The following PGBD1 variants were observed in gnomAD, a reference collection of about 807,000 sequenced individuals.
The protein encoded by PGBD1 is piggyBac transposable element derived 1.
In PGBD1, 25 loss-of-function variants were observed where a neutral mutation model predicts 34.7. The observed-to-expected ratio is 0.72, with a 90% confidence interval of 0.52 to 1.00. The LOEUF is 1.00. Among genes scored for constraint, PGBD1 ranks in the 50% least tolerant of loss-of-function variants. PGBD1 has a pLI of 0.00. For synonymous variants in PGBD1, 292 were observed against 335.7 expected (o/e 0.87, Z 1.42); for missense variants, 830 against 959.4 (o/e 0.87, Z 1.78).
chr6:28,288,612 T>C (rs1762358256), intron 4 of PGBD1, among the ~76,000 whole-genome samples: 1 of 151,794 alleles, frequency 6.6e-6, no homozygotes, highest in Non-Finnish European at 1.5e-5. Context: ...TCCCAGAACT[T>C]TGGGAGGCCA....
At chr6:28,288,670 A>G (rs1476237450) in intron 4 of PGBD1, among the ~76,000 whole-genome samples, 1 of 152,082 alleles carries the variant, frequency 6.6e-6, no homozygotes, top group African/African-American at 2.4e-5. Context: ...AGCCTGAGCA[A>G]CACAGCAAGA....
chr6:28,285,682 T>G lies in PGBD1; in HGVS notation c.528T>G (p.Pro176=), dbSNP rs778685640. 16 of 1,613,888 alleles carry G rather than the reference T, an allele frequency of 9.9e-6. No individual in the cohort carries two copies. The Middle Eastern group carries it at 8.5e-4, about 85-fold the overall frequency. The change falls in exon 3 of 7, where the codon CCT becomes CCG. Residue 176 remains proline, a synonymous_variant. Coordinates refer to ENST00000682144, the MANE Select transcript of PGBD1 (RefSeq NM_032507.4). ...TTLKCEPPQR[P]QGNPQEVSGP... Reference sequence around the variant, plus strand: ...TGAAGTGTGAACCTCCACAGCGTCCTCAAGGGAACCCCCAAGAAGTGAGTG... The same window carrying G: ...TGAAGTGTGAACCTCCACAGCGTCCGCAAGGGAACCCCCAAGAAGTGAGTG...
intron 6 of PGBD1, among the ~76,000 whole-genome samples, chr6:28,298,641 G>C (rs1162383677): frequency 6.6e-6 from 1 of 152,086 alleles, no homozygotes; most frequent in Non-Finnish European, 1.5e-5. Context: ...ACCTGAACAA[G>C]GTATAGGTCA....
At chr6:28,298,645 T>C (rs73742514) in intron 6 of PGBD1, among the ~76,000 whole-genome samples, 2,766 of 152,174 alleles carry the variant, frequency 0.018, 35 homozygotes, top group African/African-American at 0.047. Context: ...GAACAAGGTA[T>C]AGGTCAAAAG....
rs777829279 is a variant in PGBD1 at position 28,287,177 on chromosome 6, G to C, written c.642+9G>C. The C allele has an allele frequency of 2.5e-6, 4 of 1,598,696 alleles. No individual in the cohort carries two copies. Among genetic ancestry groups the C allele is most frequent in the Non-Finnish European group, 3.4e-6 (4 of 1,166,116 alleles). On this transcript the variant is annotated intron_variant, in intron 4 of 6. Transcript: ENST00000682144. ...ACCCAGTCAGGTCCCAGGTAAGTAGGATGCCCAAGCTTGTAGGAATATCAG... is the reference window on the plus strand; with the variant it reads ...ACCCAGTCAGGTCCCAGGTAAGTAGCATGCCCAAGCTTGTAGGAATATCAG...
intron 3 of PGBD1, among the ~76,000 whole-genome samples, chr6:28,286,309 G>A (rs898259644): frequency 6.6e-6 from 1 of 152,164 alleles, no homozygotes; most frequent in Admixed American, 6.5e-5. Flanking sequence ...TGATAATTTT[G>A]TACTCTGCCA....
At chr6:28,287,915 A>G (rs944136014) in intron 4 of PGBD1, among the ~76,000 whole-genome samples, 3 of 152,222 alleles carry the variant, frequency 2.0e-5, no homozygotes, top group South Asian at 2.1e-4. Context: ...CCTTAAATGT[A>G]ATTTAATGGT....
At position 28,297,983 on chromosome 6, in the gene PGBD1, G is replaced by A; in HGVS notation, c.861G>A (p.Lys287=). The A allele has an allele frequency of 6.2e-7, 1 of 1,606,410 alleles. No individual in the cohort carries two copies. The highest frequency in any genetic ancestry group is 1.1e-5 in the South Asian group (1 of 90,668). Residue 287 remains lysine (K), a synonymous_variant, in exon 6 of 7, where the codon AAG becomes AAA. Coordinates refer to ENST00000682144, the MANE Select transcript of PGBD1 (RefSeq NM_032507.4). ...AACAAAGTGGAGAAGCCTCAGGAAA[G>A]CCCAACAGGTGAGTGTCCATGGTCC... is the stretch of plus-strand genomic sequence containing the variant. ...EMEQSGEASG[K]PNRECAPQIP... is the part of the protein sequence containing the mutation.
At chr6:28,287,542 A>G (rs1027227637) in intron 4 of PGBD1, among the ~76,000 whole-genome samples, 17 of 152,102 alleles carry the variant, frequency 1.1e-4, no homozygotes, top group Non-Finnish European at 1.5e-5. Context: ...CCTTTCTCAC[A>G]CTACTTTATA....
At chr6:28,284,856 C>T (rs1023167517) in intron 2 of PGBD1, among the ~76,000 whole-genome samples, 1 of 152,264 alleles carries the variant, frequency 6.6e-6, no homozygotes, top group Non-Finnish European at 1.5e-5. Context: ...AGGATATTCT[C>T]TTGTATCACA....
chr6:28,301,613 C>G lies in PGBD1; in HGVS notation c.1759C>G (p.Gln587Glu), dbSNP rs1561893384. The change falls in exon 7 of 7, where the codon CAA (glutamine) becomes GAA (glutamate). Residue 587 changes from glutamine to glutamate, a missense_variant. Coordinates refer to ENST00000682144, the MANE Select transcript of PGBD1 (RefSeq NM_032507.4). ...QGYLVWFEPYQEESTMKVDED... is the reference protein window; with the variant it reads ...QGYLVWFEPYEEESTMKVDED... The stretch of plus-strand genomic sequence containing the variant: ...TTATCTGGTTTGGTTTGAACCCTAT[C>G]AAGAAGAATCAACTATGAAGGTAGA... The G allele has an allele frequency of 6.2e-7, 1 of 1,614,096 alleles. No individual in the cohort carries two copies. Among genetic ancestry groups the G allele is most frequent in the South Asian group, 1.1e-5 (1 of 91,078 alleles).
At chr6:28,293,814 T>G (rs896315821) in intron 4 of PGBD1, among the ~76,000 whole-genome samples, 2 of 152,222 alleles carry the variant, frequency 1.3e-5, no homozygotes, top group African/African-American at 2.4e-5. Flanking sequence ...CTCTTTTCCT[T>G]TCCTTGGTCC....
In PGBD1 at chr6:28,302,094, C is replaced by T. The variant is rs147237521; in HGVS notation, c.2240C>T (p.Ser747Leu). 96 of 1,614,008 alleles carry T rather than the reference C, an allele frequency of 5.9e-5. No individual in the cohort carries two copies. In the African/African-American group the frequency reaches 9.5e-4, roughly 16 times the overall value. ...EGVAKMDQII[S>L]KYRVRIRSKK... Reference sequence around the variant, plus strand: ...GTAGCTAAAATGGATCAAATTATTTCGAAATACAGGGTGAGGATAAGAAGC... The same window carrying T: ...GTAGCTAAAATGGATCAAATTATTTTGAAATACAGGGTGAGGATAAGAAGC... The change falls in exon 7 of 7, where the codon TCG (serine) becomes TTG (leucine). Residue 747 changes from serine (S) to leucine (L), a missense_variant. Around this residue, in one of 3 missense-constraint regions of PGBD1, gnomAD observed 372 missense variants for 427.9 expected, o/e 0.87. Transcript: ENST00000682144.
chr6:28,286,804 A>G (rs2113744165), intron 3 of PGBD1, among the ~76,000 whole-genome samples: 1 of 150,284 alleles, frequency 6.7e-6, no homozygotes, highest in Non-Finnish European at 1.5e-5. Flanking sequence ...TATGATTTTT[A>G]TTTTTTCTTT....
chr6:28,292,928 TTTTTCTTTTC>T (rs763349499), intron 4 of PGBD1, among the ~76,000 whole-genome samples: 12 of 151,960 alleles, frequency 7.9e-5, no homozygotes, highest in Non-Finnish European at 1.6e-4. Flanking sequence ...CATGGAGCTT[TTTTTCTTTTC>T]TTTTCTTTTC....
intron 3 of PGBD1, among the ~76,000 whole-genome samples, chr6:28,286,099 T>G (rs1762278158): frequency 6.6e-6 from 1 of 152,212 alleles, no homozygotes. Context: ...GTATGTGTTG[T>G]GGACAAGTAC....
At position 28,296,899 on chromosome 6, in the gene PGBD1, C is replaced by G. The variant is rs773653914; in HGVS notation, c.726C>G (p.Leu242=). The G allele has an allele frequency of 1.2e-6, 2 of 1,614,072 alleles. No individual in the cohort carries two copies. Among genetic ancestry groups the G allele is most frequent in the Non-Finnish European group, 1.7e-6 (2 of 1,180,028 alleles). Residue 242 remains leucine, a synonymous_variant, in exon 5 of 7, where the codon CTC becomes CTG. Transcript: ENST00000682144. ...ATCTGAGTCTGACTCGGAGGAACCT[C>G]TGTGGGAACTCAGCTCAGGAGACAG... ...WSHLSLTRRN[L]CGNSAQETVM... is the part of the protein sequence containing the mutation.
chr6:28,300,707 C>A lies in PGBD1; in HGVS notation c.870-17C>A. 1.3e-6 allele frequency: 2 copies of A among 1,570,086 alleles called. No individual in the cohort carries two copies. The highest frequency in any genetic ancestry group is 1.7e-6 in the Non-Finnish European group (2 of 1,159,734). Reference sequence around the variant, plus strand: ...TGATTGAGGATTTTTATAACATGTTCTTTTTTTCTTTCCCAGAGAGTGTGC... The same window carrying A: ...TGATTGAGGATTTTTATAACATGTTATTTTTTTCTTTCCCAGAGAGTGTGC... On this transcript the variant is annotated splice_polypyrimidine_tract_variant and intron_variant, in intron 6 of 6. Transcript: ENST00000682144. This position sits in a 1 kb window ranked among gnomAD's most constrained non-coding sequence, Gnocchi z 4.0.
rs117226436 is a variant in PGBD1, at chr6:28,290,188, C to T, written c.642+3020C>T. Among the ~76,000 whole-genome samples the T allele has an allele frequency of 2.0e-3, 310 of 152,226 alleles. 4 individuals carry two copies. In the East Asian group the frequency reaches 0.036, roughly 18 times the overall value. On this transcript the variant is annotated intron_variant, in intron 4 of 6. Coordinates refer to ENST00000682144, the MANE Select transcript of PGBD1 (RefSeq NM_032507.4). ...TCAGCTCACTGCAACCTCTGCCTCC[C>T]GAGTTCAAGTGATCCTTCCACCTCA...
Sources: gnomAD v4.1 joint callset for allele counts (sites outside exome capture counted in the v4.1 genomes callset) on GRCh38, gnomAD v4.1.1 for gene constraint, gnomAD v4.1.1 regional missense constraint, Gnocchi (gnomAD v3.1) non-coding constraint, MANE v1.5 for transcripts, NCBI Gene and HGNC (gene_info 2026-07-23, HGNC 2026-07-21) for gene names.